The following ZSCAN22 variants were observed in gnomAD, a reference collection of about 807,000 sequenced individuals.
ZSCAN22 encodes the protein zinc finger and SCAN domain-containing protein 22.
Under a neutral mutation model 12.4 loss-of-function variants are expected in ZSCAN22, and 7 were observed. That is an observed-to-expected ratio of 0.57 (90% CI 0.32 to 1.06). The LOEUF is 1.06. Among genes scored for constraint, ZSCAN22 ranks in the 50% least tolerant of loss-of-function variants. The pLI is 0.04. For synonymous variants in ZSCAN22, 243 were observed against 255.9 expected (o/e 0.95, Z 0.48); for missense variants, 576 against 631.7 (o/e 0.91, Z 0.94).
At chr19:58,331,069 A>G (rs924448484) in intron 1 of ZSCAN22, among the ~76,000 whole-genome samples, 2 of 152,228 alleles carry the variant, frequency 1.3e-5, no homozygotes, top group Non-Finnish European at 2.9e-5. Flanking sequence ...TAAATAATAA[A>G]CAAGTAACCA....
At chr19:58,336,529 A>C (rs1333457676) in intron 2 of ZSCAN22, among the ~76,000 whole-genome samples, 1 of 151,978 alleles carries the variant, frequency 6.6e-6, no homozygotes, top group African/African-American at 2.4e-5. Flanking sequence ...AGAGGAAGGA[A>C]GGGGGAGACA....
intron 1 of ZSCAN22, among the ~76,000 whole-genome samples, chr19:58,334,027 C>T (rs1440900928): frequency 1.3e-5 from 2 of 152,104 alleles, no homozygotes; most frequent in Middle Eastern, 3.4e-3. Flanking sequence ...AGAGGAAAGG[C>T]GAAAGTCAAT....
intron 1 of ZSCAN22, among the ~76,000 whole-genome samples, chr19:58,331,536 A>G (rs1020818578): frequency 3.2e-5 from 4 of 124,732 alleles, no homozygotes; most frequent in South Asian, 5.2e-4. Flanking sequence ...TATTATTATT[A>G]TTATTATTAT....
chr19:58,338,171 A>G lies in ZSCAN22; in HGVS notation c.404-83A>G, dbSNP rs1252789487. ...TTAGGAACGGGCCACATCTCCCCTTACAAAGTGTGACCGGGGCCCTCGGCA... is the reference window on the plus strand; with the variant it reads ...TTAGGAACGGGCCACATCTCCCCTTGCAAAGTGTGACCGGGGCCCTCGGCA... On this transcript the variant is annotated intron_variant, in intron 2 of 2. Coordinates refer to ENST00000329665, the MANE Select transcript of ZSCAN22 (RefSeq NM_181846.3). The surrounding 1 kb of genome is among the most constrained non-coding windows in gnomAD (Gnocchi z 5.4). 2 of 1,296,044 alleles carry G rather than the reference A, an allele frequency of 1.5e-6. No homozygotes were observed. The highest frequency in any genetic ancestry group is 2.3e-5 in the Admixed American group (1 of 43,630). 80.3% of individuals were successfully genotyped at this position (1,296,044 alleles called of 1,614,324 possible). A position where few individuals can be genotyped will look rare whatever the true frequency, so the allele number is the denominator to read the frequency against.
At chr19:58,331,563 A>ATTT (rs869232945) in intron 1 of ZSCAN22, among the ~76,000 whole-genome samples, 3 of 126,062 alleles carry the variant, frequency 2.4e-5, no homozygotes, top group Non-Finnish European at 4.9e-5. Context: ...TATTATTATT[A>ATTT]TTTTGAGATG....
intron 1 of ZSCAN22, among the ~76,000 whole-genome samples, chr19:58,331,735 C>T (rs745403220): frequency 6.0e-5 from 9 of 150,092 alleles, no homozygotes; most frequent in East Asian, 2.0e-4. Flanking sequence ...TTAATAGAGA[C>T]GGGGTTTAAT....
chr19:58,330,755 ACTGT>A (rs1415591311), intron 1 of ZSCAN22, among the ~76,000 whole-genome samples: 5 of 152,218 alleles, frequency 3.3e-5, no homozygotes, highest in African/African-American at 2.4e-5. Flanking sequence ...GTTCCCACTG[ACTGT>A]CTGTTCCCAT....
Position 58,338,160 on chromosome 19 carries a change from C to T in ZSCAN22, c.404-94C>T. On this transcript the variant is annotated intron_variant, in intron 2 of 2. Coordinates refer to ENST00000329665, the MANE Select transcript of ZSCAN22 (RefSeq NM_181846.3). This position sits in a 1 kb window ranked among gnomAD's most constrained non-coding sequence, Gnocchi z 5.4. ...GGGGCCAGATGTTAGGAACGGGCCA[C>T]ATCTCCCCTTACAAAGTGTGACCGG... 2 of 1,188,768 alleles carry T rather than the reference C, an allele frequency of 1.7e-6. No individual in the cohort carries two copies. Among genetic ancestry groups the T allele is most frequent in the Non-Finnish European group, 2.4e-6 (2 of 843,456 alleles). The allele number at this position is 1,188,768 out of a possible 1,614,324, so 73.6% of individuals were successfully genotyped here.
rs1475316589 is a variant in ZSCAN22, at chr19:58,327,026, G to A, written c.-140G>A. On this transcript the variant is annotated 5_prime_UTR_variant, in exon 1 of 3. Transcript: ENST00000329665. ...TGGCGGGCGTGGGCCCTTGAGGTGTGCTGGGAGCTGTGGTCCGGGTCGGCG... is the reference window on the plus strand; with the variant it reads ...TGGCGGGCGTGGGCCCTTGAGGTGTACTGGGAGCTGTGGTCCGGGTCGGCG... The A allele has an allele frequency of 6.5e-6, 1 of 152,898 alleles. No individual in the cohort carries two copies. Among genetic ancestry groups the A allele is most frequent in the East Asian group, 1.9e-4 (1 of 5,206 alleles). The allele number at this position is 152,898 out of a possible 1,614,324, so 9.5% of individuals were successfully genotyped here.
Position 58,338,991 on chromosome 19 carries a change from G to A in ZSCAN22, c.1141G>A (p.Glu381Lys), listed in dbSNP as rs138944686. Residue 381 changes from glutamate to lysine, a missense_variant, in exon 3 of 3, where the codon GAG becomes AAG. Coordinates refer to ENST00000329665, the MANE Select transcript of ZSCAN22 (RefSeq NM_181846.3). The surrounding 1 kb of genome is among the most constrained non-coding windows in gnomAD (Gnocchi z 5.4). ...GGTGCACACGGGGGAGCGGCCCTAC[G>A]AGTGTGACGCGTGTGGGAAAGCCTT... ...QRVHTGERPY[E>K]CDACGKAFSQ... 14,229 of 1,613,240 alleles carry A rather than the reference G, an allele frequency of 8.8e-3. 90 individuals carry two copies. The highest frequency in any genetic ancestry group is 0.018 in the African/African-American group (1,325 of 74,962).
At chr19:58,332,722 T>C (rs76996295) in intron 1 of ZSCAN22, among the ~76,000 whole-genome samples, 1,581 of 152,360 alleles carry the variant, frequency 0.01, 32 homozygotes, top group African/African-American at 0.036. Context: ...ACATTTGGAT[T>C]GTTTCTCCTT....
At position 58,341,918 on chromosome 19, in the gene ZSCAN22, G is replaced by C. The variant is rs1359359816; in HGVS notation, c.*2592G>C. ...AGGGACAGGACCCACCTTGTGTAGTGCCTGACCCAAAGCCTGGCCCTGCAC... is the reference window on the plus strand; with the variant it reads ...AGGGACAGGACCCACCTTGTGTAGTCCCTGACCCAAAGCCTGGCCCTGCAC... On this transcript the variant is annotated 3_prime_UTR_variant, in exon 3 of 3. Coordinates refer to ENST00000329665, the MANE Select transcript of ZSCAN22 (RefSeq NM_181846.3). The C allele has an allele frequency of 2.6e-5, 4 of 152,172 alleles. No homozygotes were observed. Among genetic ancestry groups the C allele is most frequent in the Admixed American group, 6.5e-5 (1 of 15,278 alleles). The allele number at this position is 152,172 out of a possible 1,614,324, so 9.4% of individuals were successfully genotyped here.
rs537990091 is a variant in ZSCAN22 at position 58,331,613 on chromosome 19, C to T, written c.-51-3139C>T. Among the ~76,000 whole-genome samples the T allele has an allele frequency of 2.7e-4, 41 of 149,532 alleles. No homozygotes were observed. The East Asian group carries it at 6.5e-3, about 24-fold the overall frequency. ...AGGCTGGAGTGCAGTGGCGTGATCT[C>T]GGCTCACTGCAATCTCCACCTCCCG... is the stretch of plus-strand genomic sequence containing the variant. On this transcript the variant is annotated intron_variant, in intron 1 of 2. Coordinates refer to ENST00000329665, the MANE Select transcript of ZSCAN22 (RefSeq NM_181846.3).
At position 58,339,692 on chromosome 19, in the gene ZSCAN22, C is replaced by T. The variant is rs903924480; in HGVS notation, c.*366C>T. Reference sequence around the variant, plus strand: ...ACTCAGCGTCCCAAGACGCTCTGGGCGGGCCAACTGTAGCTTGTTCTCATG... The same window carrying T: ...ACTCAGCGTCCCAAGACGCTCTGGGTGGGCCAACTGTAGCTTGTTCTCATG... On this transcript the variant is annotated 3_prime_UTR_variant, in exon 3 of 3. Coordinates refer to ENST00000329665, the MANE Select transcript of ZSCAN22 (RefSeq NM_181846.3). The surrounding 1 kb of genome is among the most constrained non-coding windows in gnomAD (Gnocchi z 5.6). 7 of 208,792 alleles carry T rather than the reference C, an allele frequency of 3.4e-5. No homozygotes were observed. The highest frequency in any genetic ancestry group is 4.6e-5 in the African/African-American group (2 of 43,382). 12.9% of individuals were successfully genotyped at this position (208,792 alleles called of 1,614,324 possible). A position where few individuals can be genotyped will look rare whatever the true frequency, so the allele number is the denominator to read the frequency against.
At chr19:58,332,425 C>T (rs2051738620) in intron 1 of ZSCAN22, among the ~76,000 whole-genome samples, 1 of 151,852 alleles carries the variant, frequency 6.6e-6, no homozygotes, top group African/African-American at 2.4e-5. Context: ...AGGTGCCTGC[C>T]ACCACACCCA....
intron 1 of ZSCAN22, among the ~76,000 whole-genome samples, chr19:58,327,701 T>G (rs2051670757): frequency 1.3e-5 from 2 of 152,228 alleles, no homozygotes; most frequent in Middle Eastern, 3.4e-3. Flanking sequence ...GTTTGAGACT[T>G]CCTACGTGGG....
At position 58,339,655 on chromosome 19, in the gene ZSCAN22, A is replaced by G. The variant is rs1051270696; in HGVS notation, c.*329A>G. 3.8e-6 allele frequency: 1 copy of G among 265,780 alleles called. No homozygotes were observed. Among genetic ancestry groups the G allele is most frequent in the Admixed American group, 4.8e-5 (1 of 20,992 alleles). 16.5% of individuals were successfully genotyped at this position (265,780 alleles called of 1,614,324 possible). ...TGAGGGCCAGGGCAAATGAAGGCGCATGTCTCTCAGAACTCAGCGTCCCAA... is the reference window on the plus strand; with the variant it reads ...TGAGGGCCAGGGCAAATGAAGGCGCGTGTCTCTCAGAACTCAGCGTCCCAA... On this transcript the variant is annotated 3_prime_UTR_variant, in exon 3 of 3. Transcript: ENST00000329665. This position sits in a 1 kb window ranked among gnomAD's most constrained non-coding sequence, Gnocchi z 5.6.
At chr19:58,336,302 G>A (rs1027160101) in intron 2 of ZSCAN22, among the ~76,000 whole-genome samples, 1 of 152,090 alleles carries the variant, frequency 6.6e-6, no homozygotes, top group African/African-American at 2.4e-5. Flanking sequence ...GTTCAGCTCT[G>A]GGAGAAACAG....
rs763867637 is a variant in ZSCAN22, at chr19:58,339,197, C to T, written c.1347C>T (p.Ser449=). 3.1e-6 allele frequency: 5 copies of T among 1,613,666 alleles called. No individual in the cohort carries two copies. The Admixed American group carries it at 8.3e-5, about 27-fold the overall frequency. ...GTCCGAAGGCCTTTGCACAGAGCTCCTCCCTCATTGAGCACCAGAGGATCC... is the reference window on the plus strand; with the variant it reads ...GTCCGAAGGCCTTTGCACAGAGCTCTTCCCTCATTGAGCACCAGAGGATCC... ...KVCPKAFAQS[S]SLIEHQRIHT... is the part of the protein sequence containing the mutation. Residue 449 remains serine, a synonymous_variant, in exon 3 of 3, where the codon TCC becomes TCT. Transcript: ENST00000329665. The surrounding 1 kb of genome is among the most constrained non-coding windows in gnomAD (Gnocchi z 5.6).
Sources: allele counts gnomAD v4.1 joint callset (sites outside exome capture counted in the v4.1 genomes callset), GRCh38; gene constraint gnomAD v4.1.1; non-coding constraint Gnocchi (gnomAD v3.1); transcripts MANE v1.5; gene names NCBI Gene and HGNC (gene_info 2026-07-23, HGNC 2026-07-21).